RARB: variants seen among roughly 807,000 people sequenced by gnomAD.
RARB encodes the protein HBV-activated protein.
In RARB, 17 loss-of-function variants were observed where a neutral mutation model predicts 51.9. The observed-to-expected ratio is 0.33, with a 90% CI of 0.22 to 0.49. The LOEUF is 0.49. Ranked by LOEUF, RARB falls within the 20% of genes least tolerant of loss-of-function variation. The probability of loss-of-function intolerance (pLI) is 0.99; values close to 1 mark genes in which losing one functional copy is unlikely to be tolerated. For missense variants in RARB, 369 were observed against 550.8 expected (o/e 0.67, Z 3.30); for synonymous variants, 215 against 195.4 (o/e 1.10, Z -0.84).
chr3:25,307,736 C>T (rs1315342575), intron 5 of RARB, among the ~76,000 whole-genome samples: 2 of 152,172 alleles, frequency 1.3e-5, no homozygotes, highest in East Asian at 1.9e-4. Context: ...GGACGAGGCA[C>T]ACAGAGGGTG....
intron 4 of RARB, among the ~76,000 whole-genome samples, chr3:25,141,454 A>G (rs1054068818): frequency 2.0e-5 from 3 of 152,194 alleles, no homozygotes; most frequent in South Asian, 4.1e-4. Context: ...ACTGATAGGT[A>G]GAATGATCTG....
rs1398522554 is a variant in RARB, at chr3:25,365,059, T to C, written c.179-96134T>C. Among the ~76,000 whole-genome samples, 4 of 152,174 alleles carry C rather than the reference T, an allele frequency of 2.6e-5. No individual in the cohort carries two copies. The East Asian group carries it at 7.7e-4, about 29-fold the overall frequency. On this transcript the variant is annotated intron_variant, in intron 5 of 11. Transcript: ENST00000383772. ...GATATTTGGGGGATATCTAGAAATTTCCCATCACTCAAAGGCCCTAAAAAT... is the reference window on the plus strand; with the variant it reads ...GATATTTGGGGGATATCTAGAAATTCCCCATCACTCAAAGGCCCTAAAAAT...
At chr3:25,180,100 T>C (rs1213970275) in intron 5 of RARB, among the ~76,000 whole-genome samples, 1 of 152,174 alleles carries the variant, frequency 6.6e-6, no homozygotes. Flanking sequence ...TGTGGAAGTA[T>C]GTCCCTAAGT....
At chr3:25,271,814 G>C (rs1017076526) in intron 5 of RARB, among the ~76,000 whole-genome samples, 2 of 152,202 alleles carry the variant, frequency 1.3e-5, no homozygotes, top group African/African-American at 4.8e-5. Flanking sequence ...TTCTAGTAAG[G>C]CTTTTTTAAA....
intron 2 of RARB, among the ~76,000 whole-genome samples, chr3:25,003,693 A>G (rs1697213661): frequency 6.6e-6 from 1 of 152,176 alleles, no homozygotes; most frequent in East Asian, 1.9e-4. Flanking sequence ...TGATCTGTGC[A>G]AGATTGAGTA....
intron 2 of RARB, among the ~76,000 whole-genome samples, chr3:24,872,489 A>G (rs1415365642): frequency 6.6e-6 from 1 of 152,208 alleles, no homozygotes; most frequent in African/African-American, 2.4e-5. Context: ...CATACTATGC[A>G]AGAAGCACGG....
chr3:25,056,819 A>G (rs1269969383), intron 2 of RARB, among the ~76,000 whole-genome samples: 1 of 152,148 alleles, frequency 6.6e-6, no homozygotes, highest in Non-Finnish European at 1.5e-5. Flanking sequence ...CTTAAAGACA[A>G]ACTATCTTGA....
intron 5 of RARB, among the ~76,000 whole-genome samples, chr3:25,239,647 T>C (rs1311962750): frequency 2.6e-5 from 4 of 152,198 alleles, no homozygotes; most frequent in Admixed American, 1.3e-4. Flanking sequence ...TCTATTCTGT[T>C]CCGTTGGTCT....
intron 5 of RARB, among the ~76,000 whole-genome samples, chr3:25,204,276 C>G (rs1006893381): frequency 6.6e-6 from 1 of 152,250 alleles, no homozygotes; most frequent in Non-Finnish European, 1.5e-5. Flanking sequence ...TCAGCTCCAT[C>G]AGGTCCTTTA....
intron 2 of RARB, among the ~76,000 whole-genome samples, chr3:24,986,382 AG>A (rs1696794640): frequency 6.6e-6 from 1 of 152,242 alleles, no homozygotes; most frequent in African/African-American, 2.4e-5. Flanking sequence ...AGGCAGACAT[AG>A]ATTAAAGATC....
chr3:24,915,445 CT>C (rs886555355), intron 2 of RARB, among the ~76,000 whole-genome samples: 1 of 152,004 alleles, frequency 6.6e-6, no homozygotes, highest in African/African-American at 2.4e-5. Context: ...TTCTGAGGAG[CT>C]ATATTTCCAC....
chr3:24,913,175 G>A (rs905253276), intron 2 of RARB, among the ~76,000 whole-genome samples: 37 of 151,434 alleles, frequency 2.4e-4, no homozygotes, highest in Non-Finnish European at 2.9e-4. Flanking sequence ...TAGTAGAGAC[G>A]GGGTTTCACT....
At chr3:25,230,807 C>T (rs888762802) in intron 5 of RARB, among the ~76,000 whole-genome samples, 2 of 152,046 alleles carry the variant, frequency 1.3e-5, no homozygotes, top group Non-Finnish European at 2.9e-5. Context: ...CCACTAGCCA[C>T]TTGTAGCTAT....
At chr3:25,584,829 A>G (rs984946719) in intron 5 of RARB, among the ~76,000 whole-genome samples, 4 of 152,170 alleles carry the variant, frequency 2.6e-5, no homozygotes, top group Admixed American at 6.5e-5. Context: ...TTTACTGAGC[A>G]CTTACCTCGT....
intron 2 of RARB, among the ~76,000 whole-genome samples, chr3:24,997,622 T>G (rs968531767): frequency 6.6e-6 from 1 of 152,140 alleles, no homozygotes; most frequent in Non-Finnish European, 1.5e-5. Context: ...TGACCTCAGG[T>G]GATCCACTTG....
At chr3:25,418,235 G>C (rs976618385) in intron 5 of RARB, among the ~76,000 whole-genome samples, 14 of 152,008 alleles carry the variant, frequency 9.2e-5, no homozygotes, top group African/African-American at 3.4e-4. Context: ...TTGGGAGAAG[G>C]GTCCTGGAAT....
At chr3:25,542,989 C>T (rs1285376693) in intron 3 of RARB, among the ~76,000 whole-genome samples, 1 of 152,282 alleles carries the variant, frequency 6.6e-6, no homozygotes, top group East Asian at 1.9e-4. Flanking sequence ...AAGATTATAA[C>T]ATTTGTGTAT....
chr3:25,172,599 G>C (rs376065245), intron 4 of RARB, among the ~76,000 whole-genome samples: 1 of 152,132 alleles, frequency 6.6e-6, no homozygotes, highest in African/African-American at 2.4e-5. Context: ...CAGATCCCTC[G>C]TTTTCTTCCT....
chr3:24,896,602 C>T (rs752429045), intron 2 of RARB, among the ~76,000 whole-genome samples: 2 of 152,112 alleles, frequency 1.3e-5, no homozygotes, highest in Non-Finnish European at 2.9e-5. Context: ...AGGACATGGA[C>T]AGTGGTGATG....
Sources: gnomAD v4.1 joint callset for allele counts (sites outside exome capture counted in the v4.1 genomes callset) on GRCh38, gnomAD v4.1.1 for gene constraint, MANE v1.5 for transcripts, NCBI Gene and HGNC (gene_info 2026-07-23, HGNC 2026-07-21) for gene names.